MYH8: variants seen among roughly 807,000 people sequenced by gnomAD.
MYH8 encodes the protein myosin heavy chain 8, also known as myosin-8.
A neutral mutation model predicts 233.2 loss-of-function variants in MYH8; 168 were observed. That is an observed-to-expected ratio of 0.72 (90% CI 0.64 to 0.82). The LOEUF (loss-of-function observed/expected upper bound fraction) is 0.82. MYH8 is among the 40% of genes least tolerant of loss of function. The pLI is 0.00. For missense variants in MYH8, 1,995 were observed against 2,327.8 expected, an observed-to-expected ratio of 0.86 and a Z score of 2.94; for synonymous variants, 785 against 850.6, an observed-to-expected ratio of 0.92 and a Z score of 1.34.
At chr17:10,416,239 A>T (rs951171401) in intron 5 of MYH8, among the ~76,000 whole-genome samples, 48 of 152,212 alleles carry the variant, frequency 3.2e-4, no homozygotes, top group Admixed American at 2.3e-3. Context: ...TATTTCACTC[A>T]GCATGGTGTC....
chr17:10,394,848 G>A (rs555793609), intron 34 of MYH8, among the ~76,000 whole-genome samples: 1 of 152,264 alleles, frequency 6.6e-6, no homozygotes, highest in South Asian at 2.1e-4. Flanking sequence ...TTAAAATCAG[G>A]CAGCTAGTAA....
Position 10,392,531 on chromosome 17 carries a change from AT to A in MYH8, c.5568+10del. On this transcript the variant is annotated intron_variant, in intron 38 of 39. Transcript: ENST00000403437. ...GGAAGAGTGGATATTCTGGAAGGCT[AT>A]TCCCTTTACCTGGTAGGTGAGTTCT... 1 of 1,610,236 alleles carries A rather than the reference AT, an allele frequency of 6.2e-7. No homozygotes were observed.
chr17:10,418,142 A>G (rs866888635), intron 5 of MYH8, among the ~76,000 whole-genome samples: 1 of 152,204 alleles, frequency 6.6e-6, no homozygotes, highest in Middle Eastern at 3.2e-3. Context: ...AATCTTTGGG[A>G]GGAAAATCAT....
chr17:10,401,110 A>T lies in MYH8; in HGVS notation c.3190T>A (p.Leu1064Met). ...ATATCCATTGTGGATTCTTGGGCCAATTTGAGGTCACCCTCCAGTTTCCGC... is the reference window on the plus strand; with the variant it reads ...ATATCCATTGTGGATTCTTGGGCCATTTTGAGGTCACCCTCCAGTTTCCGC... ...AKRKLEGDLK[L>M]AQESTMDMEN... Residue 1064 changes from leucine to methionine, a missense_variant, in exon 25 of 40, where the codon TTG becomes ATG. Physicochemically the swap from Leu to Met is conservative, Grantham distance 15. Around this residue, in one of 3 missense-constraint regions of MYH8, gnomAD observed 1,498 missense variants for 1,680.9 expected, o/e 0.89. Coordinates refer to ENST00000403437, the MANE Select transcript of MYH8 (RefSeq NM_002472.3). The T allele has an allele frequency of 6.2e-7, 1 of 1,614,156 alleles. No individual in the cohort carries two copies. The highest frequency in any genetic ancestry group is 1.3e-5 in the African/African-American group (1 of 75,038).
chr17:10,415,149 T>C lies in MYH8; in HGVS notation c.772A>G (p.Thr258Ala). The change falls in exon 9 of 40, where the codon ACA (threonine) becomes GCA (alanine). Residue 258 changes from threonine (T) to alanine (A), a missense_variant. Thr to Ala is a moderately conservative substitution (Grantham distance 58). This residue lies in a region of MYH8 where 479 missense variants were observed against 600.9 expected (regional missense o/e 0.80). Coordinates refer to ENST00000403437, the MANE Select transcript of MYH8 (RefSeq NM_002472.3). This position sits in a 1 kb window ranked among gnomAD's most constrained non-coding sequence, Gnocchi z 4.1. ...ATATCAGCAGATGCCAGCTTCCCTG[T>C]AGTACCAAAGTGGATTCTAATGAAT... ...GKFIRIHFGT[T>A]GKLASADIET... 1 of 1,613,592 alleles carries C rather than the reference T, an allele frequency of 6.2e-7. No individual in the cohort carries two copies. The highest frequency in any genetic ancestry group is 1.1e-5 in the South Asian group (1 of 91,076).
Position 10,415,684 on chromosome 17 carries a change from A to G in MYH8, c.536T>C (p.Ile179Thr), listed in dbSNP as rs763376361. Residue 179 changes from isoleucine to threonine, a missense_variant, in exon 6 of 40, where the codon ATC becomes ACC. Around this residue, in one of 3 missense-constraint regions of MYH8, gnomAD observed 479 missense variants for 600.9 expected, o/e 0.80. Transcript: ENST00000403437. This position sits in a 1 kb window ranked among gnomAD's most constrained non-coding sequence, Gnocchi z 4.1. Reference protein sequence around the residue: ...LTDRENQSILITGESGAGKTV... With the variant: ...LTDRENQSILTTGESGAGKTV... ...GAGAAGAAAAAAAATCACATACGTG[A>G]TCAGGATGGACTGATTCTCTCGATC... is the stretch of plus-strand genomic sequence containing the variant. 1 of 1,614,082 alleles carries G rather than the reference A, an allele frequency of 6.2e-7. No homozygotes were observed. The highest frequency in any genetic ancestry group is 1.1e-5 in the South Asian group (1 of 91,074).
In MYH8 at chr17:10,414,453, C is replaced by A. The variant is rs2072271955; in HGVS notation, c.837G>T (p.Gln279His). The change falls in exon 10 of 40, where the codon CAG becomes CAT. Residue 279 changes from glutamine to histidine, a missense_variant. Coordinates refer to ENST00000403437, the MANE Select transcript of MYH8 (RefSeq NM_002472.3). ...TATGGTAGCTTCTTTCCGCCTTTAG[C>A]TGGAAAGTAACTCTGGACTTTTCTA... ...YLLEKSRVTF[Q>H]LKAERSYHIF... The A allele has an allele frequency of 1.2e-6, 2 of 1,613,062 alleles. No homozygotes were observed. The highest frequency in any genetic ancestry group is 1.7e-6 in the Non-Finnish European group (2 of 1,179,178).
chr17:10,416,034 A>G (rs2072286972), intron 5 of MYH8, among the ~76,000 whole-genome samples: 1 of 152,132 alleles, frequency 6.6e-6, no homozygotes, highest in Non-Finnish European at 1.5e-5. Context: ...TAAAATCATC[A>G]TCACCCTTCA....
rs545755142 is a variant in MYH8, at chr17:10,415,388, C to T, written c.649-4G>A. The T allele has an allele frequency of 3.2e-5, 51 of 1,614,130 alleles. 1 individual carries two copies. The South Asian group carries it at 4.7e-4, about 15-fold the overall frequency. ...TGATTTGATCTTCCAGAGTCCCCTG[C>T]AAAGGAAGGAGCAGTTCTCACATCT... is the stretch of plus-strand genomic sequence containing the variant. On this transcript the variant is annotated splice_polypyrimidine_tract_variant and splice_region_variant and intron_variant, in intron 7 of 39. Coordinates refer to ENST00000403437, the MANE Select transcript of MYH8 (RefSeq NM_002472.3). The surrounding 1 kb of genome is among the most constrained non-coding windows in gnomAD (Gnocchi z 4.1).
intron 17 of MYH8, among the ~76,000 whole-genome samples, chr17:10,408,523 C>T (rs1040831480): frequency 6.6e-5 from 10 of 152,220 alleles, no homozygotes; most frequent in African/African-American, 2.2e-4. Flanking sequence ...TATATAAGAA[C>T]AAGTTTTTAA....
At chr17:10,411,179 A>C (rs2072241119) in intron 14 of MYH8, among the ~76,000 whole-genome samples, 1 of 152,128 alleles carries the variant, frequency 6.6e-6, no homozygotes, top group Admixed American at 6.5e-5. Context: ...GATTGAGACC[A>C]TCCTGGCCAA....
chr17:10,392,430 T>C, intron 38 of MYH8, 112 bp downstream of exon 38: 1 of 990,214 alleles, frequency 1.0e-6, no homozygotes, highest in Non-Finnish European at 1.6e-6. Flanking sequence ...TCCTTACATG[T>C]ACCAAGTTAA....
At position 10,412,632 on chromosome 17, in the gene MYH8, G is replaced by A; in HGVS notation, c.1244C>T (p.Thr415Ile). 1 of 1,614,244 alleles carries A rather than the reference G, an allele frequency of 6.2e-7. No homozygotes were observed. The highest frequency in any genetic ancestry group is 8.5e-7 in the Non-Finnish European group (1 of 1,180,046). The change falls in exon 13 of 40, where the codon ACC becomes ATC. Residue 415 changes from threonine to isoleucine, a missense_variant. Around this residue, in one of 3 missense-constraint regions of MYH8, gnomAD observed 479 missense variants for 600.9 expected, o/e 0.80. Coordinates refer to ENST00000403437, the MANE Select transcript of MYH8 (RefSeq NM_002472.3). ...PRVKVGNEYV[T>I]KGQTVQQVYN... is the part of the protein sequence containing the mutation. ...TACCTGCTGCACAGTCTGGCCTTTG[G>A]TGACATACTCATTGCCAACCTTGAC...
rs751646275 is a variant in MYH8 at position 10,412,691 on chromosome 17, A to G, written c.1185T>C (p.Ser395=). ...DKAAYLQSLN[S]ADLLKALCYP... is the part of the protein sequence containing the mutation. ...AGCAGAGGGCTTTGAGTAGGTCTGCAGAGTTCAGACTCTGGAGATAGGCTG... is the reference window on the plus strand; with the variant it reads ...AGCAGAGGGCTTTGAGTAGGTCTGCGGAGTTCAGACTCTGGAGATAGGCTG... Residue 395 remains serine, a synonymous_variant, in exon 13 of 40, where the codon TCT becomes TCC. Transcript: ENST00000403437. 1 of 1,614,244 alleles carries G rather than the reference A, an allele frequency of 6.2e-7. No homozygotes were observed. Among genetic ancestry groups the G allele is most frequent in the Non-Finnish European group, 8.5e-7 (1 of 1,180,044 alleles).
chr17:10,401,558 A>G lies in MYH8; in HGVS notation c.2916T>C (p.His972=). The G allele has an allele frequency of 6.2e-7, 1 of 1,614,142 alleles. No homozygotes were observed. The highest frequency in any genetic ancestry group is 8.5e-7 in the Non-Finnish European group (1 of 1,180,022). Residue 972 remains histidine, a synonymous_variant, in exon 23 of 40, where the codon CAT becomes CAC. Coordinates refer to ENST00000403437, the MANE Select transcript of MYH8 (RefSeq NM_002472.3). ...TGACTGATACCTTGTTCTCCGTGGC[A>G]TGTTTCTCCTTCTCAACCTTGGCCA... The part of the protein sequence containing the change: ...LTLAKVEKEK[H]ATENKVKNLT...
intron 22 of MYH8, 66 bp from the exon 23 acceptor site, chr17:10,401,851 C>T (rs535706752): frequency 4.5e-5 from 72 of 1,595,134 alleles, no homozygotes; most frequent in Admixed American, 4.4e-4. Context: ...GTTTTTTTTG[C>T]GCAAAAATAA....
In MYH8 at chr17:10,418,698, G is replaced by C. The variant is rs879016103; in HGVS notation, c.458C>G (p.Ala153Gly). 1 of 1,613,770 alleles carries C rather than the reference G, an allele frequency of 6.2e-7. No individual in the cohort carries two copies. The highest frequency in any genetic ancestry group is 1.3e-5 in the African/African-American group (1 of 74,906). Reference sequence around the variant, plus strand: ...AGAGATGGAGAAGATGTGGGGCGGGGCCTCCTGGCGCTTTTTGCCTCTGTA... The same window carrying C: ...AGAGATGGAGAAGATGTGGGGCGGGCCCTCCTGGCGCTTTTTGCCTCTGTA... ...AAYRGKKRQE[A>G]PPHIFSISDN... The change falls in exon 5 of 40, where the codon GCC becomes GGC. Residue 153 changes from alanine (A) to glycine (G), a missense_variant. Coordinates refer to ENST00000403437, the MANE Select transcript of MYH8 (RefSeq NM_002472.3).
Position 10,419,173 on chromosome 17 carries a change from T to C in MYH8, c.211-143A>G. On this transcript the variant is annotated intron_variant, in intron 3 of 39. Transcript: ENST00000403437. The surrounding 1 kb of genome is among the most constrained non-coding windows in gnomAD (Gnocchi z 4.0). ...TCCTGCTTCAAGTGATTGTCCTGCC[T>C]CAGCCTTCTGAGTAGCTGGGATTGC... 1 of 1,021,448 alleles carries C rather than the reference T, an allele frequency of 9.8e-7. No individual in the cohort carries two copies. The highest frequency in any genetic ancestry group is 3.0e-4 in the Middle Eastern group (1 of 3,298). 63.3% of individuals were successfully genotyped at this position (1,021,448 alleles called of 1,614,324 possible).
rs2072271206 is a variant in MYH8 at position 10,414,388 on chromosome 17, A to G, written c.902T>C (p.Ile301Thr). The G allele has an allele frequency of 1.9e-6, 3 of 1,608,932 alleles. No individual in the cohort carries two copies. The highest frequency in any genetic ancestry group is 2.6e-6 in the Non-Finnish European group (3 of 1,175,226). Residue 301 changes from isoleucine (I) to threonine (T), a missense_variant and splice_region_variant, in exon 10 of 40, where the codon ATT becomes ACT. By Grantham distance (89) the Ile-to-Thr change is moderately conservative. This residue lies in a region of MYH8 where 479 missense variants were observed against 600.9 expected (regional missense o/e 0.80). Transcript: ENST00000403437. ...TATGACTTTAAGTTCTTTCTTACCA[A>G]TTAGATCTGGCTTCTTATTGGAAGT... is the stretch of plus-strand genomic sequence containing the variant. ...QITSNKKPDL[I>T]EMLLITTNPY...
Sources: allele counts gnomAD v4.1 joint callset (sites outside exome capture counted in the v4.1 genomes callset), GRCh38; gene constraint gnomAD v4.1.1; regional missense constraint gnomAD v4.1.1; non-coding constraint Gnocchi (gnomAD v3.1); transcripts MANE v1.5; gene names NCBI Gene and HGNC (gene_info 2026-07-23, HGNC 2026-07-21).